Variants in LUZP2 observed in about 807,000 individuals in gnomAD.
LUZP2 encodes the protein leucine zipper protein 2.
In LUZP2, 52 loss-of-function variants were observed where a neutral mutation model predicts 51.6. The ratio of observed to expected loss-of-function variants is 1.01; its 90% CI spans 0.81 to 1.27. The LOEUF (loss-of-function observed/expected upper bound fraction) is 1.27, where lower values mean the gene tolerates loss of function less well. LUZP2 is among the 50% of genes most tolerant of loss of function. LUZP2 has a pLI of 0.00. For missense variants in LUZP2, 436 were observed against 395.4 expected (o/e 1.10, Z -0.87); for synonymous variants, 154 against 137.3 (o/e 1.12, Z -0.85).
chr11:24,511,629 G>T (rs935860561), intron 1 of LUZP2, among the ~76,000 whole-genome samples: 5 of 152,130 alleles, frequency 3.3e-5, no homozygotes, highest in African/African-American at 1.2e-4. Context: ...GTTAAACGTT[G>T]AACTTAGGGC....
Position 24,826,190 on chromosome 11 carries a change from A to ATAT in LUZP2, c.396+62882_396+62883insTAT, listed in dbSNP as rs1554916354. On this transcript the variant is annotated intron_variant, in intron 5 of 11. Coordinates refer to ENST00000336930, the MANE Select transcript of LUZP2 (RefSeq NM_001009909.4). ...GACTCCATCTCAAAAAAAAAAAAAA[A>ATAT]ATATATATATATATATATAGTAAAA... Among the ~76,000 whole-genome samples, 215 of 67,554 alleles carry ATAT rather than the reference A, an allele frequency of 3.2e-3. 1 individual carries two copies. Among genetic ancestry groups the ATAT allele is most frequent in the African/African-American group, 0.011 (184 of 16,990 alleles). 44.3% of individuals were successfully genotyped at this position (67,554 alleles called of 152,430 possible).
chr11:25,073,288 T>A (rs1388411380), intron 10 of LUZP2, among the ~76,000 whole-genome samples: 1 of 152,204 alleles, frequency 6.6e-6, no homozygotes. Flanking sequence ...AGGCTTCTTA[T>A]GACCTTCATT....
At chr11:24,750,900 C>G (rs1859555498) in intron 4 of LUZP2, among the ~76,000 whole-genome samples, 1 of 152,126 alleles carries the variant, frequency 6.6e-6, no homozygotes, top group African/African-American at 2.4e-5. Context: ...CTCTAATCCT[C>G]TAATCTATTT....
chr11:24,503,456 C>T (rs1850061926), intron 1 of LUZP2, among the ~76,000 whole-genome samples: 2 of 152,096 alleles, frequency 1.3e-5, no homozygotes, highest in Admixed American at 1.3e-4. Flanking sequence ...TGAAGGTCAC[C>T]CAAGTAAACA....
intron 9 of LUZP2, among the ~76,000 whole-genome samples, chr11:24,991,315 C>A (rs1228157196): frequency 6.7e-6 from 1 of 149,596 alleles, no homozygotes; most frequent in East Asian, 2.0e-4. Flanking sequence ...CTTGTTATGG[C>A]TGAGTAGTAT....
At chr11:25,023,524 CCT>C (rs1198472985) in intron 9 of LUZP2, among the ~76,000 whole-genome samples, 9 of 150,880 alleles carry the variant, frequency 6.0e-5, no homozygotes, top group African/African-American at 2.0e-4. Context: ...CTATTTGGTT[CCT>C]CTCTCTTTTC....
rs560745120 is a variant in LUZP2, at chr11:25,043,646, C to T, written c.766-6392C>T. On this transcript the variant is annotated intron_variant, in intron 9 of 11. Transcript: ENST00000336930. The stretch of plus-strand genomic sequence containing the variant: ...AGTAATTTATAATGTACTAGAGACT[C>T]ATTTTCCTAGCTCTTGATTATATTT... Among the ~76,000 whole-genome samples the T allele has an allele frequency of 4.7e-5, 7 of 149,308 alleles. No homozygotes were observed. In the South Asian group the frequency reaches 1.5e-3, roughly 32 times the overall value.
At chr11:24,746,952 C>T (rs1051760212) in intron 4 of LUZP2, among the ~76,000 whole-genome samples, 1 of 152,120 alleles carries the variant, frequency 6.6e-6, no homozygotes, top group Non-Finnish European at 1.5e-5. Flanking sequence ...TCTCCCTTCA[C>T]TTCTTGTATC....
intron 1 of LUZP2, among the ~76,000 whole-genome samples, chr11:24,665,904 C>A (rs1856197261): frequency 6.6e-6 from 1 of 152,022 alleles, no homozygotes. Context: ...ATAGTCTTAT[C>A]ATTTGTTAGC....
At chr11:24,933,601 G>A (rs1854514661) in intron 7 of LUZP2, among the ~76,000 whole-genome samples, 1 of 152,130 alleles carries the variant, frequency 6.6e-6, no homozygotes, top group Non-Finnish European at 1.5e-5. Context: ...TGCATTTCAG[G>A]AAGATATTAA....
At chr11:24,650,224 G>C (rs761204599) in intron 1 of LUZP2, among the ~76,000 whole-genome samples, 5 of 151,910 alleles carry the variant, frequency 3.3e-5, no homozygotes, top group Non-Finnish European at 7.4e-5. Flanking sequence ...ACAGAGATGT[G>C]AGTCAAAAAT....
chr11:24,902,414 A>T (rs2133781104), intron 5 of LUZP2, among the ~76,000 whole-genome samples: 1 of 152,346 alleles, frequency 6.6e-6, no homozygotes, highest in Non-Finnish European at 1.5e-5. Flanking sequence ...CGGAGAAAAT[A>T]AATCTTTTTC....
intron 5 of LUZP2, among the ~76,000 whole-genome samples, chr11:24,796,148 A>C (rs542150521): frequency 1.3e-5 from 2 of 152,250 alleles, no homozygotes; most frequent in South Asian, 4.1e-4. Flanking sequence ...AATTTGGTGA[A>C]TAACCTTCTG....
chr11:24,831,303 C>T (rs1590608995), intron 5 of LUZP2, among the ~76,000 whole-genome samples: 1 of 152,344 alleles, frequency 6.6e-6, no homozygotes, highest in Admixed American at 6.5e-5. Flanking sequence ...CAGCTCTACA[C>T]TTTGTCCAGG....
At chr11:24,991,409 T>TATATATAG (rs1440798858) in intron 9 of LUZP2, among the ~76,000 whole-genome samples, 8 of 148,180 alleles carry the variant, frequency 5.4e-5, no homozygotes, top group Non-Finnish European at 1.0e-4. Flanking sequence ...TATATATATA[T>TATATATAG]ATATATATAT....
intron 5 of LUZP2, among the ~76,000 whole-genome samples, chr11:24,769,786 C>CTCTTTTTTTTTTTTTT (rs764723270): frequency 2.0e-5 from 3 of 146,952 alleles, no homozygotes; most frequent in Non-Finnish European, 4.4e-5. Context: ...ACTAAATTCT[C>CTCTTTTTTTTTTTTTT]TTTTTTGTTT....
At chr11:24,884,755 T>C (rs1231192384) in intron 5 of LUZP2, among the ~76,000 whole-genome samples, 1 of 152,050 alleles carries the variant, frequency 6.6e-6, no homozygotes, top group Non-Finnish European at 1.5e-5. Context: ...GACAGCTGAG[T>C]GTCACTTCCT....
intron 7 of LUZP2, among the ~76,000 whole-genome samples, chr11:24,958,829 A>C (rs1855295146): frequency 6.6e-6 from 1 of 152,150 alleles, no homozygotes; most frequent in Non-Finnish European, 1.5e-5. Flanking sequence ...GTCCTTGCCC[A>C]TGCCTATGTC....
rs370463817 is a variant in LUZP2 at position 24,510,838 on chromosome 11, CTG to C, written c.62+13536_62+13537del. On this transcript the variant is annotated intron_variant, in intron 1 of 11. Coordinates refer to ENST00000336930, the MANE Select transcript of LUZP2 (RefSeq NM_001009909.4). ...TATTGTGGACCATTGGCCATTGACTCTGTGCTGCTGTGCCAAGTGGGTAAGTT... is the reference window on the plus strand; with the variant it reads ...TATTGTGGACCATTGGCCATTGACTCTGCTGCTGTGCCAAGTGGGTAAGTT... Among the ~76,000 whole-genome samples the C allele has an allele frequency of 5.1e-3, 779 of 152,228 alleles. 11 individuals are homozygous for C. The highest frequency in any genetic ancestry group is 0.018 in the African/African-American group (743 of 41,518).
Sources: allele counts gnomAD v4.1 joint callset (sites outside exome capture counted in the v4.1 genomes callset), GRCh38; gene constraint gnomAD v4.1.1; transcripts MANE v1.5; gene names NCBI Gene and HGNC (gene_info 2026-07-23, HGNC 2026-07-21).